The following ANKRD6 variants were observed in gnomAD, a reference collection of about 807,000 sequenced individuals.
ANKRD6 encodes the protein ankyrin repeat domain 6, also known as ankyrin repeat domain-containing protein 6.
ANKRD6 carries 56 observed loss-of-function variants against 82.3 expected under a neutral mutation model. The ratio of observed to expected loss-of-function variants is 0.68; its 90% CI spans 0.55 to 0.85. The LOEUF is 0.85. Ranked by LOEUF, ANKRD6 falls within the 40% of genes least tolerant of loss-of-function variation. The pLI, the probability that ANKRD6 is intolerant of heterozygous loss-of-function variation, is 0.00. For synonymous variants in ANKRD6, 347 were observed against 352.1 expected, an observed-to-expected ratio of 0.99 and a Z score of 0.16; for missense variants, 852 against 907.6, an observed-to-expected ratio of 0.94 and a Z score of 0.79.
At chr6:89,563,807 A>G (rs1787901099) in intron 1 of ANKRD6, among the ~76,000 whole-genome samples, 2 of 152,096 alleles carry the variant, frequency 1.3e-5, no homozygotes, top group South Asian at 4.1e-4. Flanking sequence ...TTCTCACTCT[A>G]AGGAATGGGT....
intron 5 of ANKRD6, among the ~76,000 whole-genome samples, chr6:89,607,995 ACTC>A (rs1363924238): frequency 8.9e-6 from 1 of 111,912 alleles, no homozygotes; most frequent in African/African-American, 3.6e-5. Flanking sequence ...CTGGTCTTGA[ACTC>A]CTGACCCCGT....
intron 3 of ANKRD6, among the ~76,000 whole-genome samples, chr6:89,599,507 C>T (rs1267152787): frequency 6.6e-6 from 1 of 152,136 alleles, no homozygotes; most frequent in Non-Finnish European, 1.5e-5. Flanking sequence ...GTCAAAGTAG[C>T]CACTTGTATG....
intron 1 of ANKRD6, among the ~76,000 whole-genome samples, chr6:89,468,950 C>G (rs192453269): frequency 3.3e-5 from 5 of 152,094 alleles, no homozygotes; most frequent in Middle Eastern, 3.4e-3. Flanking sequence ...ATGATTGTTG[C>G]CTGGGACTTG....
Position 89,474,933 on chromosome 6 carries a change from C to T in ANKRD6, c.-144+41558C>T, listed in dbSNP as rs375348912. Among the ~76,000 whole-genome samples the T allele has an allele frequency of 1.5e-3, 229 of 152,232 alleles. 1 individual carries two copies. Among genetic ancestry groups the T allele is most frequent in the African/African-American group, 5.0e-3 (209 of 41,550 alleles). On this transcript the variant is annotated intron_variant, in intron 1 of 15. Coordinates refer to ENST00000339746, the MANE Select transcript of ANKRD6 (RefSeq NM_001242809.2). ...CGGTTATAAGCTGTTCTAGACAGTG[C>T]GAAATCTAGTGTTGATTTCACTTTG...
intron 4 of ANKRD6, among the ~76,000 whole-genome samples, chr6:89,604,649 G>C (rs898636155): frequency 6.6e-6 from 1 of 152,144 alleles, no homozygotes; most frequent in Admixed American, 6.6e-5. Context: ...CTCATTGCCA[G>C]CACCCAGAAG....
intron 1 of ANKRD6, among the ~76,000 whole-genome samples, chr6:89,471,148 C>T (rs890510236): frequency 9.9e-5 from 15 of 151,746 alleles, no homozygotes; most frequent in South Asian, 4.2e-4. Context: ...ATCAGGAGTT[C>T]GAGACCACCC....
intron 13 of ANKRD6, 62 bp downstream of exon 13, chr6:89,624,753 C>T (rs1286917229): frequency 1.3e-6 from 2 of 1,538,872 alleles, no homozygotes; most frequent in African/African-American, 2.7e-5. Flanking sequence ...AACTCAGGAA[C>T]CAACTTCGAC....
intron 1 of ANKRD6, among the ~76,000 whole-genome samples, chr6:89,522,875 A>G (rs1337054116): frequency 3.9e-5 from 6 of 152,184 alleles, no homozygotes; most frequent in African/African-American, 1.4e-4. Flanking sequence ...GCCAGAGCAT[A>G]AAGAGAGAAG....
At chr6:89,526,042 G>A (rs891973769) in intron 1 of ANKRD6, among the ~76,000 whole-genome samples, 4 of 152,204 alleles carry the variant, frequency 2.6e-5, no homozygotes, top group Admixed American at 6.5e-5. Flanking sequence ...TTAGGAATTC[G>A]GGGCTGTGCC....
chr6:89,510,767 A>G (rs891151055), intron 1 of ANKRD6, among the ~76,000 whole-genome samples: 2 of 152,154 alleles, frequency 1.3e-5, no homozygotes, highest in African/African-American at 2.4e-5. Context: ...GACATTTTAT[A>G]TAAATACAAT....
chr6:89,535,827 A>G (rs996547603), intron 1 of ANKRD6, among the ~76,000 whole-genome samples: 2 of 152,176 alleles, frequency 1.3e-5, no homozygotes, highest in African/African-American at 4.8e-5. Context: ...CCAGACCCCA[A>G]CACTTACCAG....
At chr6:89,494,157 A>G (rs77358130) in intron 1 of ANKRD6, among the ~76,000 whole-genome samples, 2 of 145,836 alleles carry the variant, frequency 1.4e-5, no homozygotes, top group Admixed American at 6.8e-5. Flanking sequence ...CTCTACCAAG[A>G]AAAAAAAAAT....
chr6:89,451,165 AGGGCAT>A (rs1772765734), intron 1 of ANKRD6, among the ~76,000 whole-genome samples: 1 of 152,130 alleles, frequency 6.6e-6, no homozygotes, highest in African/African-American at 2.4e-5. Flanking sequence ...AAAAGTTAGT[AGGGCAT>A]GGTGGCGTGT....
chr6:89,621,970 C>T lies in ANKRD6; in HGVS notation c.841C>T (p.Leu281Phe), dbSNP rs747356201. 1.2e-6 allele frequency: 2 copies of T among 1,613,488 alleles called. No individual in the cohort carries two copies. Among genetic ancestry groups the T allele is most frequent in the Admixed American group, 3.3e-5 (2 of 60,026 alleles). Residue 281 changes from leucine to phenylalanine, a missense_variant, in exon 10 of 16, where the codon CTC becomes TTC. Coordinates refer to ENST00000339746, the MANE Select transcript of ANKRD6 (RefSeq NM_001242809.2). ...GRSLRKKRER[L>F]KEERRAQSVP... ...AAGCCTGAGGAAAAAGAGAGAGAGG[C>T]TCAAGGAAGAGAGGAGAGCCCAGTC...
At chr6:89,497,020 T>C (rs1778709212) in intron 1 of ANKRD6, among the ~76,000 whole-genome samples, 1 of 152,216 alleles carries the variant, frequency 6.6e-6, no homozygotes, top group South Asian at 2.1e-4. Flanking sequence ...TTATAGCTTC[T>C]TCTTTTCTGT....
intron 3 of ANKRD6, chr6:89,598,195 T>A: frequency 2.0e-6 from 2 of 985,424 alleles, no homozygotes; most frequent in Non-Finnish European, 2.4e-6. Flanking sequence ...GGAAACCAGT[T>A]CTTTAGATTA....
chr6:89,605,741 C>T (rs893781305), intron 4 of ANKRD6, among the ~76,000 whole-genome samples: 6 of 152,150 alleles, frequency 3.9e-5, no homozygotes, highest in Admixed American at 3.9e-4. Context: ...GACTTAACCT[C>T]TAATGCCTTA....
intron 2 of ANKRD6, among the ~76,000 whole-genome samples, chr6:89,583,293 A>G (rs1792986895): frequency 6.6e-6 from 1 of 152,240 alleles, no homozygotes; most frequent in African/African-American, 2.4e-5. Flanking sequence ...TCTAAATGCC[A>G]TGACTCAAGC....
chr6:89,464,053 T>C (rs1233587428), intron 1 of ANKRD6, among the ~76,000 whole-genome samples: 1 of 152,182 alleles, frequency 6.6e-6, no homozygotes, highest in East Asian at 1.9e-4. Context: ...CCACAGCCCT[T>C]CAGTAATAGA....
Sources: gnomAD v4.1 joint callset for allele counts (sites outside exome capture counted in the v4.1 genomes callset) on GRCh38, gnomAD v4.1.1 for gene constraint, MANE v1.5 for transcripts, NCBI Gene and HGNC (gene_info 2026-07-23, HGNC 2026-07-21) for gene names.